POGZ: variants seen among roughly 807,000 people sequenced by gnomAD.
POGZ encodes the protein pogo transposable element with ZNF domain.
POGZ carries 17 observed loss-of-function variants against 134.6 expected under a neutral mutation model. The ratio of observed to expected loss-of-function variants is 0.13; its 90% CI spans 0.09 to 0.19. POGZ has a LOEUF of 0.19. Among genes scored for constraint, POGZ ranks in the 10% least tolerant of loss-of-function variants. POGZ has a pLI of 1.00. For synonymous variants in POGZ, 693 were observed against 657.1 expected (o/e 1.05, Z -0.84); for missense variants, 1,306 against 1,769.7 (o/e 0.74, Z 4.70).
intron 10 of POGZ, among the ~76,000 whole-genome samples, chr1:151,416,608 G>A (rs188781297): frequency 4.2e-4 from 63 of 148,592 alleles, no homozygotes; most frequent in Non-Finnish European, 7.3e-4. Context: ...GAATAAAAAT[G>A]TAATACTACT....
Position 151,404,234 on chromosome 1 carries a change from T to A in POGZ, c.*568A>T, listed in dbSNP as rs2102135737. The A allele has an allele frequency of 1.0e-6, 1 of 985,134 alleles. No individual in the cohort carries two copies. The highest frequency in any genetic ancestry group is 1.1e-4 in the East Asian group (1 of 8,814). The allele number at this position is 985,134 out of a possible 1,614,324, so 61.0% of individuals were successfully genotyped here. A position where few individuals can be genotyped will look rare whatever the true frequency, so the allele number is the denominator to read the frequency against. Reference sequence around the variant, plus strand: ...GTGGGACTTTTTTTCCATTTTCATTTTTATATAAAAGTGTTAAGACCACAA... The same window carrying A: ...GTGGGACTTTTTTTCCATTTTCATTATTATATAAAAGTGTTAAGACCACAA... On this transcript the variant is annotated 3_prime_UTR_variant, in exon 19 of 19. Transcript: ENST00000271715.
rs1391258836 is a variant in POGZ, at chr1:151,450,408, A to C, written c.-1-8203T>G. Among the ~76,000 whole-genome samples, 4 of 152,068 alleles carry C rather than the reference A, an allele frequency of 2.6e-5. No homozygotes were observed. The East Asian group carries it at 5.8e-4, about 22-fold the overall frequency. On this transcript the variant is annotated intron_variant, in intron 1 of 18. Coordinates refer to ENST00000271715, the MANE Select transcript of POGZ (RefSeq NM_015100.4). Reference sequence around the variant, plus strand: ...GTCTTTGTCGCCTGGGCTGTAGTGCAGTGGCGCGATCTCAACTCACTGCAG... The same window carrying C: ...GTCTTTGTCGCCTGGGCTGTAGTGCCGTGGCGCGATCTCAACTCACTGCAG...
intron 10 of POGZ, among the ~76,000 whole-genome samples, chr1:151,416,609 T>C (rs1260819581): frequency 6.8e-6 from 1 of 147,930 alleles, no homozygotes; most frequent in African/African-American, 2.5e-5. Flanking sequence ...AATAAAAATG[T>C]AATACTACTT....
At chr1:151,457,175 A>AGTT (rs1662875567) in intron 1 of POGZ, among the ~76,000 whole-genome samples, 1 of 152,194 alleles carries the variant, frequency 6.6e-6, no homozygotes, top group East Asian at 1.9e-4. Flanking sequence ...GGAAACTCTA[A>AGTT]CTAAATCAGG....
In POGZ at chr1:151,405,837, C is replaced by T; in HGVS notation, c.3198G>A (p.Lys1066=). 1.9e-6 allele frequency: 3 copies of T among 1,614,172 alleles called. No individual in the cohort carries two copies. The highest frequency in any genetic ancestry group is 2.5e-6 in the Non-Finnish European group (3 of 1,180,028). Reference sequence around the variant, plus strand: ...AACGCACAGCCCACTCATAGGAGATCTTAAACCCCCCTTCCAAAGAACGTC... The same window carrying T: ...AACGCACAGCCCACTCATAGGAGATTTTAAACCCCCCTTCCAAAGAACGTC... The part of the protein sequence containing the change: ...KIGRSLEGGF[K]ISYEWAVRFM... Residue 1066 remains lysine, a synonymous_variant, in exon 19 of 19, where the codon AAG becomes AAA. Transcript: ENST00000271715. The surrounding 1 kb of genome is among the most constrained non-coding windows in gnomAD (Gnocchi z 4.9).
Position 151,419,668 on chromosome 1 carries a change from C to CAAAAAAAAA in POGZ, c.1678+3720_1678+3728dup, listed in dbSNP as rs59593149. On this transcript the variant is annotated intron_variant, in intron 10 of 18. Transcript: ENST00000271715. The stretch of plus-strand genomic sequence containing the variant: ...TGGCTAACAGAGTGAGACCCTGTCT[C>CAAAAAAAAA]AAAAAAAAAAAAAAAAAAAAAAAAA... 1.8e-4 allele frequency among the ~76,000 whole-genome samples: 8 copies of CAAAAAAAAA among 43,656 alleles called. 1 individual carries two copies. Among genetic ancestry groups the CAAAAAAAAA allele is most frequent in the African/African-American group, 6.0e-4 (6 of 9,950 alleles). The allele number at this position is 43,656 out of a possible 152,430, so 28.6% of individuals were successfully genotyped here.
At chr1:151,442,820 C>T (rs1438931119) in intron 1 of POGZ, among the ~76,000 whole-genome samples, 1 of 151,408 alleles carries the variant, frequency 6.6e-6, no homozygotes, top group Admixed American at 6.6e-5. Context: ...CACGAGGTCA[C>T]GAGTTCAAGA....
At position 151,452,234 on chromosome 1, in the gene POGZ, G is replaced by C. The variant is rs147066625; in HGVS notation, c.-2+6918C>G. Among the ~76,000 whole-genome samples the C allele has an allele frequency of 6.9e-4, 104 of 151,526 alleles. 1 individual carries two copies. The East Asian group carries it at 0.017, about 24-fold the overall frequency. ...GATCCCTCTAAAAAATTTTTAAACA[G>C]AAAGGATAATCATATTATATTCATG... On this transcript the variant is annotated intron_variant, in intron 1 of 18. Transcript: ENST00000271715.
chr1:151,413,196 G>C (rs940802903), intron 10 of POGZ, among the ~76,000 whole-genome samples: 3 of 150,826 alleles, frequency 2.0e-5, no homozygotes, highest in African/African-American at 4.9e-5. Flanking sequence ...TGAGTAGCTA[G>C]GACTATCCTT....
chr1:151,412,561 T>C (rs576624134), intron 10 of POGZ, among the ~76,000 whole-genome samples, 165 bp from the exon 11 acceptor site: 1 of 152,356 alleles, frequency 6.6e-6, no homozygotes, highest in African/African-American at 2.4e-5. Flanking sequence ...AACATATATG[T>C]TGCTGATAAT....
chr1:151,442,854 C>T (rs773117230), intron 1 of POGZ, among the ~76,000 whole-genome samples: 15 of 151,976 alleles, frequency 9.9e-5, no homozygotes, highest in Non-Finnish European at 2.1e-4. Flanking sequence ...CATGGTGAAA[C>T]CCCATCTCTA....
chr1:151,407,499 G>C (rs943830743), intron 15 of POGZ, among the ~76,000 whole-genome samples: 1 of 152,160 alleles, frequency 6.6e-6, no homozygotes, highest in Non-Finnish European at 1.5e-5. Flanking sequence ...TTCTGGTTCA[G>C]TAGGCCTAGG....
chr1:151,425,050 T>A lies in POGZ; in HGVS notation c.1090A>T (p.Ile364Phe). 6.5e-7 allele frequency: 1 copy of A among 1,547,320 alleles called. No homozygotes were observed. Among genetic ancestry groups the A allele is most frequent in the Non-Finnish European group, 8.9e-7 (1 of 1,124,908 alleles). ...PESSMKVTSS[I>F]PVFDLQDGGR... Reference sequence around the variant, plus strand: ...CCATCCTGGAGGTCAAATACTGGGATGGAAGAGGTCACTGAAAGAAGTGAG... The same window carrying A: ...CCATCCTGGAGGTCAAATACTGGGAAGGAAGAGGTCACTGAAAGAAGTGAG... The change falls in exon 8 of 19, where the codon ATC becomes TTC. Residue 364 changes from isoleucine to phenylalanine, a missense_variant. Coordinates refer to ENST00000271715, the MANE Select transcript of POGZ (RefSeq NM_015100.4).
At chr1:151,440,728 G>T in intron 3 of POGZ, 200 bp downstream of exon 3, 1 of 396,482 alleles carries the variant, frequency 2.5e-6, no homozygotes. Context: ...TGAAACACCA[G>T]TACCGAGTCA....
At chr1:151,408,634 T>C (rs1557873580) in intron 13 of POGZ, 53 bp from the exon 14 acceptor site, 2 of 1,603,324 alleles carry the variant, frequency 1.2e-6, no homozygotes, top group African/African-American at 1.4e-5. Flanking sequence ...AATTTCAGAA[T>C]ACTGAAAATC....
intron 4 of POGZ, among the ~76,000 whole-genome samples, 181 bp from the exon 5 acceptor site, chr1:151,429,892 G>A (rs1249466041): frequency 6.6e-6 from 1 of 152,094 alleles, no homozygotes; most frequent in Admixed American, 6.6e-5. Flanking sequence ...ACTTTTGAGA[G>A]ACAAAATATC....
chr1:151,446,046 CTTTT>C lies in POGZ; in HGVS notation c.-1-3845_-1-3842del, dbSNP rs573169016. On this transcript the variant is annotated intron_variant, in intron 1 of 18. Coordinates refer to ENST00000271715, the MANE Select transcript of POGZ (RefSeq NM_015100.4). Reference sequence around the variant, plus strand: ...TGATCCATGGCATACCGTCTTTCAACTTTTTTTTTTTTTTTTTTTTAGCCCCGAT... The same window carrying C: ...TGATCCATGGCATACCGTCTTTCAACTTTTTTTTTTTTTTTTAGCCCCGAT... Among the ~76,000 whole-genome samples, 212 of 123,912 alleles carry C rather than the reference CTTTT, an allele frequency of 1.7e-3. 3 individuals are homozygous for C. The highest frequency in any genetic ancestry group is 5.9e-3 in the African/African-American group (196 of 33,402). The allele number at this position is 123,912 out of a possible 152,430, so 81.3% of individuals were successfully genotyped here.
At chr1:151,447,642 ATTTTTTTTTTTTT>A (rs35308281) in intron 1 of POGZ, among the ~76,000 whole-genome samples, 5 of 52,986 alleles carry the variant, frequency 9.4e-5, no homozygotes, top group East Asian at 4.8e-4. Flanking sequence ...TGTCTGGCTA[ATTTTTTTTTTTTT>A]TTTTTTTTTT....
intron 1 of POGZ, among the ~76,000 whole-genome samples, chr1:151,453,378 T>C (rs148296371): frequency 7.4e-4 from 113 of 152,158 alleles, no homozygotes; most frequent in African/African-American, 2.6e-3. Context: ...GCCTTGTTGG[T>C]TGAATTTCTT....
Sources: allele counts gnomAD v4.1 joint callset (sites outside exome capture counted in the v4.1 genomes callset), GRCh38; gene constraint gnomAD v4.1.1; non-coding constraint Gnocchi (gnomAD v3.1); transcripts MANE v1.5; gene names NCBI Gene and HGNC (gene_info 2026-07-23, HGNC 2026-07-21).